Variants in PCYT1B observed in about 807,000 individuals in gnomAD.
The protein encoded by PCYT1B is choline-phosphate cytidylyltransferase B.
A neutral mutation model predicts 26.4 loss-of-function variants in PCYT1B; 10 were observed. The ratio of observed to expected loss-of-function variants is 0.38; its 90% confidence interval spans 0.23 to 0.64. PCYT1B has a LOEUF of 0.64. Among genes scored for constraint, PCYT1B ranks in the 30% least tolerant of loss-of-function variants. The probability of loss-of-function intolerance (pLI) is 0.56; values close to 1 mark genes in which losing one functional copy is unlikely to be tolerated. For synonymous variants in PCYT1B, 131 were observed against 108.4 expected (o/e 1.21, Z -1.29); for missense variants, 161 against 292.7 (o/e 0.55, Z 3.28).
intron 2 of PCYT1B, among the ~76,000 whole-genome samples, chrX:24,618,604 A>G (rs1193165642): frequency 2.3e-5 from 2 of 88,746 alleles, no homozygotes; most frequent in Non-Finnish European, 4.3e-5. Flanking sequence ...TGCACAAATA[A>G]TGATGGGCCT....
At chrX:24,584,331 A>G (rs1924300720) in intron 5 of PCYT1B, among the ~76,000 whole-genome samples, 1 of 111,978 alleles carries the variant, frequency 8.9e-6, no homozygotes, top group African/African-American at 3.2e-5. Context: ...CTTGTCTCAT[A>G]AATTAAGTAA....
intron 1 of PCYT1B, among the ~76,000 whole-genome samples, chrX:24,636,974 T>A (rs1246816783): frequency 9.0e-6 from 1 of 111,462 alleles, no homozygotes; most frequent in African/African-American, 3.3e-5. Flanking sequence ...ATTTGGGTAG[T>A]TTCCAGTTTG....
intron 3 of PCYT1B, among the ~76,000 whole-genome samples, chrX:24,600,838 C>G (rs1224121874): frequency 9.2e-6 from 1 of 109,074 alleles, no homozygotes; most frequent in African/African-American, 3.3e-5. Flanking sequence ...GAAATAGACC[C>G]AGACAAATAT....
At chrX:24,653,288 G>A (rs763257626) in intron 1 of PCYT1B, among the ~76,000 whole-genome samples, 3 of 110,978 alleles carry the variant, frequency 2.7e-5, no homozygotes, top group Non-Finnish European at 3.8e-5. Context: ...TGACTATGAC[G>A]TTACCATAGT....
At chrX:24,575,657 C>A (rs1377012791) in intron 6 of PCYT1B, among the ~76,000 whole-genome samples, 1 of 112,499 alleles carries the variant, frequency 8.9e-6, no homozygotes, top group East Asian at 2.8e-4. Flanking sequence ...GGGCAAATAA[C>A]CCCATTCAAT....
intron 7 of PCYT1B, among the ~76,000 whole-genome samples, chrX:24,568,455 G>A (rs1486123218): frequency 9.0e-6 from 1 of 111,578 alleles, no homozygotes; most frequent in Non-Finnish European, 1.9e-5. Context: ...AGAGGGCCTA[G>A]GTGGGAAGAT....
chrX:24,621,291 A>G (rs1213040284), intron 1 of PCYT1B, among the ~76,000 whole-genome samples: 1 of 111,289 alleles, frequency 9.0e-6, no homozygotes, highest in Non-Finnish European at 1.9e-5. Flanking sequence ...CATCTATAAA[A>G]TGGGCTATTC....
Position 24,559,439 on chromosome X carries a change from GA to G in PCYT1B, c.*2853del, listed in dbSNP as rs375662642. The G allele has an allele frequency of 3.5e-5, 1 of 28,827 alleles. No homozygotes were observed. Among genetic ancestry groups the G allele is most frequent in the African/African-American group, 7.1e-5 (1 of 14,066 alleles). 2.4% of individuals were successfully genotyped at this position (28,827 alleles called of 1,213,427 possible). On this transcript the variant is annotated 3_prime_UTR_variant, in exon 8 of 8. Transcript: ENST00000379144. ...GAAAAAGAGAAAGAAGAAAGAAAAA[GA>G]AAGAGAGAGAGAGAGAAAGAAAGAG...
intron 1 of PCYT1B, among the ~76,000 whole-genome samples, chrX:24,653,624 A>G (rs1926829994): frequency 9.0e-6 from 1 of 110,939 alleles, no homozygotes; most frequent in Non-Finnish European, 1.9e-5. Context: ...TCACTTACCC[A>G]TGCTCCTGTA....
intron 7 of PCYT1B, among the ~76,000 whole-genome samples, chrX:24,563,677 G>T (rs767977989): frequency 1.8e-5 from 2 of 111,706 alleles, no homozygotes; most frequent in African/African-American, 3.3e-5. Flanking sequence ...GGAAGGGAGA[G>T]GGGGAGGCAC....
intron 1 of PCYT1B, among the ~76,000 whole-genome samples, chrX:24,666,097 T>C (rs1024878479): frequency 9.0e-6 from 1 of 111,359 alleles, no homozygotes; most frequent in African/African-American, 3.3e-5. Flanking sequence ...TAGGGTCAAG[T>C]TGGAGTTGGT....
upstream of PCYT1B, among the ~76,000 whole-genome samples, chrX:24,651,454 C>CA (rs1188690484): frequency 1.2e-3 from 13 of 11,069 alleles, no homozygotes; most frequent in South Asian, 0.012. Flanking sequence ...GATGCCATCT[C>CA]AAAAAAAAAA....
intron 1 of PCYT1B, among the ~76,000 whole-genome samples, chrX:24,640,782 C>T (rs1251282092): frequency 9.0e-6 from 1 of 111,205 alleles, no homozygotes; most frequent in African/African-American, 3.3e-5. Context: ...GAACTCTCTC[C>T]TGAGTTCCCC....
chrX:24,639,305 C>T, intron 1 of PCYT1B, among the ~76,000 whole-genome samples: 1 of 112,369 alleles, frequency 8.9e-6, no homozygotes, highest in Admixed American at 9.4e-5. Flanking sequence ...TAAGTGCACA[C>T]AATAATTCAA....
chrX:24,630,618 T>C (rs907703522), intron 1 of PCYT1B, among the ~76,000 whole-genome samples: 1 of 112,065 alleles, frequency 8.9e-6, no homozygotes, highest in Non-Finnish European at 1.9e-5. Flanking sequence ...TTTCTAAAGG[T>C]CAGGGGTGAA....
At chrX:24,635,558 T>C in intron 1 of PCYT1B, among the ~76,000 whole-genome samples, 1 of 112,197 alleles carries the variant, frequency 8.9e-6, no homozygotes, top group Non-Finnish European at 1.9e-5. Context: ...TGATATTTTC[T>C]GCAAAGTGGA....
chrX:24,622,424 A>G (rs761507134), intron 1 of PCYT1B, among the ~76,000 whole-genome samples: 1 of 112,274 alleles, frequency 8.9e-6, no homozygotes, highest in African/African-American at 3.2e-5. Flanking sequence ...TGTCTCTTCC[A>G]TATACTAGAG....
At chrX:24,657,138 C>T (rs979441284) in intron 1 of PCYT1B, among the ~76,000 whole-genome samples, 2 of 111,346 alleles carry the variant, frequency 1.8e-5, no homozygotes, top group Non-Finnish European at 3.8e-5. Flanking sequence ...TTTCTAAGTG[C>T]TTTACAATCA....
rs974520015 is a variant in PCYT1B at position 24,646,905 on chromosome X, C to G, written c.117+84G>C. 8.1e-6 allele frequency: 6 copies of G among 743,044 alleles called. No homozygotes were observed. The Admixed American group carries it at 1.2e-4, about 15-fold the overall frequency. 61.2% of individuals were successfully genotyped at this position (743,044 alleles called of 1,213,427 possible). ...ATTTACATGAAAATCCTCTAAGCAT[C>G]GTTTTCCTCGCTGGCTGCGGGCGCA... is the stretch of plus-strand genomic sequence containing the variant. On this transcript the variant is annotated intron_variant, in intron 1 of 7. Transcript: ENST00000379144.
Sources: allele counts gnomAD v4.1 joint callset (sites outside exome capture counted in the v4.1 genomes callset), GRCh38; gene constraint gnomAD v4.1.1; transcripts MANE v1.5; gene names NCBI Gene and HGNC (gene_info 2026-07-23, HGNC 2026-07-21).